The following EXD2 variants were observed in gnomAD, a reference collection of about 807,000 sequenced individuals.
EXD2 encodes the protein exonuclease 3'-5' domain containing 2.
Under a neutral mutation model 62.5 loss-of-function variants are expected in EXD2, and 40 were observed. That is an observed-to-expected ratio of 0.64 (90% CI 0.50 to 0.83). The LOEUF (loss-of-function observed/expected upper bound fraction) is 0.83, where lower values mean the gene tolerates loss of function less well. Ranked by LOEUF, EXD2 falls within the 40% of genes least tolerant of loss-of-function variation. The pLI is 0.00. For missense variants in EXD2, 671 were observed against 761.8 expected (o/e 0.88, Z 1.40); for synonymous variants, 239 against 291.9 (o/e 0.82, Z 1.85).
chr14:69,209,427 G>T lies in EXD2; in HGVS notation c.-44G>T, dbSNP rs2042728649. 1.4e-6 allele frequency: 2 copies of T among 1,416,828 alleles called. No homozygotes were observed. The highest frequency in any genetic ancestry group is 1.8e-4 in the Middle Eastern group (1 of 5,476). 87.8% of individuals were successfully genotyped at this position (1,416,828 alleles called of 1,614,324 possible). On this transcript the variant is annotated 5_prime_UTR_variant, in exon 3 of 10. Transcript: ENST00000685843. Reference sequence around the variant, plus strand: ...ATTTTTGCCATTTGTTTTGCAGATTGTGGGATTAGTGATATGCTTTTCTAA... The same window carrying T: ...ATTTTTGCCATTTGTTTTGCAGATTTTGGGATTAGTGATATGCTTTTCTAA...
chr14:69,223,147 A>G (rs1486187460), intron 3 of EXD2, among the ~76,000 whole-genome samples: 1 of 152,206 alleles, frequency 6.6e-6, no homozygotes, highest in Non-Finnish European at 1.5e-5. Context: ...TCCGTGGGCC[A>G]CTAATTTATG....
rs1194023379 is a variant in EXD2 at position 69,226,200 on chromosome 14, C to G, written c.334-2616C>G. On this transcript the variant is annotated intron_variant, in intron 3 of 9. Coordinates refer to ENST00000685843, the MANE Select transcript of EXD2 (RefSeq NM_001193360.2). ...AAGCTGATATCACAGAGGGAAAGAACTACTCATTAATTTTTAAAAAAGTGA... is the reference window on the plus strand; with the variant it reads ...AAGCTGATATCACAGAGGGAAAGAAGTACTCATTAATTTTTAAAAAAGTGA... Among the ~76,000 whole-genome samples the G allele has an allele frequency of 2.0e-5, 3 of 152,012 alleles. No homozygotes were observed. In the East Asian group the frequency reaches 5.8e-4, roughly 29 times the overall value.
chr14:69,239,518 T>C (rs573364863), intron 9 of EXD2, among the ~76,000 whole-genome samples: 16 of 152,200 alleles, frequency 1.1e-4, no homozygotes, highest in African/African-American at 3.6e-4. Flanking sequence ...TTTATAGATA[T>C]ACTATATCTT....
At chr14:69,239,460 A>G (rs2043911507) in intron 9 of EXD2, among the ~76,000 whole-genome samples, 1 of 152,232 alleles carries the variant, frequency 6.6e-6, no homozygotes, top group Admixed American at 6.5e-5. Context: ...ACTCTTATCC[A>G]TTACTACTGA....
chr14:69,199,014 C>T (rs1355819636), intron 1 of EXD2, among the ~76,000 whole-genome samples: 1 of 152,182 alleles, frequency 6.6e-6, no homozygotes, highest in African/African-American at 2.4e-5. Flanking sequence ...GAGGCTGAGG[C>T]GGGCAGATCA....
chr14:69,213,088 T>TC (rs1478046612), intron 3 of EXD2, among the ~76,000 whole-genome samples: 2 of 149,930 alleles, frequency 1.3e-5, no homozygotes, highest in East Asian at 2.0e-4. Context: ...TCTTTTCTTT[T>TC]TTTTTTTTTT....
chr14:69,228,772 C>T, intron 3 of EXD2, 44 bp from the exon 4 acceptor site: 1 of 1,576,064 alleles, frequency 6.3e-7, no homozygotes, highest in South Asian at 1.2e-5. Context: ...ATGCTCGCTG[C>T]TGTGCTCAGG....
intron 2 of EXD2, chr14:69,208,697 G>A (rs534162256): frequency 6.6e-6 from 1 of 152,286 alleles, no homozygotes; most frequent in East Asian, 1.9e-4. Context: ...CCTGCCTGGC[G>A]CTGTGGACAC....
rs531332439 is a variant in EXD2 at position 69,205,129 on chromosome 14, T to G, written c.-48+1129T>G. On this transcript the variant is annotated intron_variant, in intron 2 of 9. Transcript: ENST00000685843. ...GAGAATAGTACCAAATCTGACCCCCTTCATACATTCCAAATCTTTATTCCA... is the reference window on the plus strand; with the variant it reads ...GAGAATAGTACCAAATCTGACCCCCGTCATACATTCCAAATCTTTATTCCA... 1.4e-3 allele frequency among the ~76,000 whole-genome samples: 211 copies of G among 152,354 alleles called. 5 individuals are homozygous for G. In the South Asian group the frequency reaches 0.028, roughly 20 times the overall value.
chr14:69,206,735 G>T (rs1409820558), intron 2 of EXD2, among the ~76,000 whole-genome samples: 1 of 152,064 alleles, frequency 6.6e-6, no homozygotes, highest in Non-Finnish European at 1.5e-5. Context: ...ACCTGCCTCG[G>T]CCTCCCAAAG....
At position 69,195,835 on chromosome 14, in the gene EXD2, A is replaced by G. The variant is rs564857690; in HGVS notation, c.-132+4244A>G. 2.0e-5 allele frequency among the ~76,000 whole-genome samples: 3 copies of G among 152,316 alleles called. No homozygotes were observed. The East Asian group carries it at 5.8e-4, about 29-fold the overall frequency. On this transcript the variant is annotated intron_variant, in intron 1 of 9. Transcript: ENST00000685843. ...ACTGAAGATTCTTCCATGCTATAGC[A>G]TGTTTCAGTACTTCATTCTTTTTAT...
At chr14:69,202,187 C>G (rs1220237879) in intron 1 of EXD2, among the ~76,000 whole-genome samples, 1 of 152,014 alleles carries the variant, frequency 6.6e-6, no homozygotes, top group Non-Finnish European at 1.5e-5. Context: ...GCCCAAGCAA[C>G]CTGGCAAAAC....
intron 5 of EXD2, among the ~76,000 whole-genome samples, chr14:69,233,633 G>T (rs1266308593): frequency 6.6e-6 from 1 of 151,850 alleles, no homozygotes; most frequent in Non-Finnish European, 1.5e-5. Flanking sequence ...TAGAGATGGG[G>T]TTTCCCCATG....
chr14:69,209,824 T>TAA (rs199733370), intron 3 of EXD2, 21 bp downstream of exon 3: 2,673 of 1,052,018 alleles, frequency 2.5e-3, no homozygotes, highest in South Asian at 5.2e-3. Context: ...AAGCAAAAGT[T>TAA]AAAAAAAAAA....
intron 3 of EXD2, among the ~76,000 whole-genome samples, chr14:69,225,568 T>C (rs1162559343): frequency 6.6e-6 from 1 of 152,228 alleles, no homozygotes; most frequent in Non-Finnish European, 1.5e-5. Flanking sequence ...ATAGTATATG[T>C]CTCAAACATT....
chr14:69,226,630 C>G (rs1277582914), intron 3 of EXD2, among the ~76,000 whole-genome samples: 1 of 152,142 alleles, frequency 6.6e-6, no homozygotes, highest in Non-Finnish European at 1.5e-5. Flanking sequence ...CGCCTATAAT[C>G]CCAGCTACTC....
intron 2 of EXD2, among the ~76,000 whole-genome samples, chr14:69,208,506 G>A (rs551232443): frequency 4.6e-5 from 7 of 151,962 alleles, no homozygotes; most frequent in African/African-American, 1.7e-4. Flanking sequence ...CACCGCGCCC[G>A]GCCCAGGCCA....
At chr14:69,234,427 G>A (rs1010036171) in intron 5 of EXD2, among the ~76,000 whole-genome samples, 1 of 152,048 alleles carries the variant, frequency 6.6e-6, no homozygotes. Flanking sequence ...GATTTATATA[G>A]GTGAGGATTT....
intron 3 of EXD2, among the ~76,000 whole-genome samples, chr14:69,213,537 A>ATTTT (rs746653694): frequency 0.13 from 9,705 of 76,266 alleles, 1,149 homozygotes; most frequent in Middle Eastern, 0.18. Flanking sequence ...CACCTGGATA[A>ATTTT]TTTTTTTTTT....
Sources: allele counts gnomAD v4.1 joint callset (sites outside exome capture counted in the v4.1 genomes callset), GRCh38; gene constraint gnomAD v4.1.1; transcripts MANE v1.5; gene names NCBI Gene and HGNC (gene_info 2026-07-23, HGNC 2026-07-21).